Variants in MB21D2 observed in about 807,000 individuals in gnomAD.
MB21D2 encodes the protein nucleotidyltransferase MB21D2.
Under a neutral mutation model 33.3 loss-of-function variants are expected in MB21D2, and 9 were observed. The ratio of observed to expected loss-of-function variants is 0.27; its 90% CI spans 0.16 to 0.47. The LOEUF (loss-of-function observed/expected upper bound fraction) is 0.47. MB21D2 is among the 20% of genes least tolerant of loss of function. The pLI is 0.99. For missense variants in MB21D2, 540 were observed against 624.6 expected (o/e 0.86, Z 1.44); for synonymous variants, 241 against 236.3 (o/e 1.02, Z -0.18).
chr3:192,814,726 G>A (rs1267293642), intron 1 of MB21D2, among the ~76,000 whole-genome samples: 4 of 152,024 alleles, frequency 2.6e-5, no homozygotes, highest in Non-Finnish European at 5.9e-5. Flanking sequence ...TTACCCAGGC[G>A]TGGTGGTGGA....
chr3:192,859,370 T>G (rs1027110693), intron 1 of MB21D2, among the ~76,000 whole-genome samples: 1 of 151,472 alleles, frequency 6.6e-6, no homozygotes, highest in Non-Finnish European at 1.5e-5. Flanking sequence ...ACCCCCGACA[T>G]GGTTGCTGCC....
chr3:192,907,818 C>T (rs745312902), intron 1 of MB21D2, among the ~76,000 whole-genome samples: 3 of 152,146 alleles, frequency 2.0e-5, no homozygotes, highest in Admixed American at 1.3e-4. Flanking sequence ...GCACACTAAA[C>T]GCCATAATGA....
At chr3:192,905,508 G>A (rs1252361515) in intron 1 of MB21D2, among the ~76,000 whole-genome samples, 1 of 151,684 alleles carries the variant, frequency 6.6e-6, no homozygotes, top group East Asian at 1.9e-4. Flanking sequence ...GTGGTGTCAG[G>A]CGCCTGTAAT....
intron 1 of MB21D2, among the ~76,000 whole-genome samples, chr3:192,813,867 A>G (rs1711848306): frequency 6.6e-6 from 1 of 152,228 alleles, no homozygotes; most frequent in African/African-American, 2.4e-5. Context: ...TGATGGTTAT[A>G]GCCAGACTGC....
At chr3:192,909,063 G>A (rs1469041783) in intron 1 of MB21D2, among the ~76,000 whole-genome samples, 1 of 151,598 alleles carries the variant, frequency 6.6e-6, no homozygotes, top group Non-Finnish European at 1.5e-5. Flanking sequence ...AGACCATCCT[G>A]GCCAACACAG....
chr3:192,883,699 T>C (rs1264492847), intron 1 of MB21D2, among the ~76,000 whole-genome samples: 1 of 152,050 alleles, frequency 6.6e-6, no homozygotes, highest in East Asian at 1.9e-4. Context: ...AAGATCAGCA[T>C]TCCAGTCCCA....
chr3:192,898,347 C>G (rs1489858750), intron 1 of MB21D2, among the ~76,000 whole-genome samples: 1 of 151,714 alleles, frequency 6.6e-6, no homozygotes, highest in African/African-American at 2.4e-5. Flanking sequence ...GCATCACTAT[C>G]TCATACTTTT....
chr3:192,915,172 C>A (rs996423502), intron 1 of MB21D2, among the ~76,000 whole-genome samples: 1 of 152,078 alleles, frequency 6.6e-6, no homozygotes, highest in South Asian at 2.1e-4. Flanking sequence ...GAGGACTGGC[C>A]ACCCTCCACC....
At chr3:192,834,761 GCAGA>G (rs1438500853) in intron 1 of MB21D2, among the ~76,000 whole-genome samples, 2 of 151,272 alleles carry the variant, frequency 1.3e-5, no homozygotes, top group African/African-American at 4.9e-5. Context: ...CTTGAATTGC[GCAGA>G]CAATTACTTT....
At chr3:192,819,632 T>C (rs1469029485) in intron 1 of MB21D2, among the ~76,000 whole-genome samples, 4 of 152,170 alleles carry the variant, frequency 2.6e-5, no homozygotes, top group Middle Eastern at 6.3e-3. Flanking sequence ...AAGCTGCCTA[T>C]TTCCCAATTC....
In MB21D2 at chr3:192,917,851, C is replaced by G. The variant is rs759585365; in HGVS notation, c.-11G>C. 6.2e-7 allele frequency: 1 copy of G among 1,605,162 alleles called. No homozygotes were observed. The highest frequency in any genetic ancestry group is 1.1e-5 in the South Asian group (1 of 90,668). On this transcript the variant is annotated 5_prime_UTR_variant, in exon 1 of 2. Coordinates refer to ENST00000392452, the MANE Select transcript of MB21D2 (RefSeq NM_178496.4). ...AGCCGCCATCTTCATGCAAAACGCG[C>G]CGAGTAGCAGCTCCGCGGCAGCGCG...
At chr3:192,899,713 A>G (rs1000740706) in intron 1 of MB21D2, among the ~76,000 whole-genome samples, 2 of 142,740 alleles carry the variant, frequency 1.4e-5, no homozygotes, top group African/African-American at 5.2e-5. Flanking sequence ...TGGAGAGAAG[A>G]AAACATAGTC....
At chr3:192,849,681 A>G (rs1267031283) in intron 1 of MB21D2, among the ~76,000 whole-genome samples, 3 of 152,066 alleles carry the variant, frequency 2.0e-5, no homozygotes, top group Non-Finnish European at 4.4e-5. Flanking sequence ...CTCTACTTCA[A>G]CCTTTTTTCA....
At chr3:192,811,368 G>C (rs77467913) in intron 1 of MB21D2, among the ~76,000 whole-genome samples, 203 of 152,256 alleles carry the variant, frequency 1.3e-3, no homozygotes, top group African/African-American at 4.5e-3. Context: ...TGTAGTGGGT[G>C]GGGGGTGTAA....
intron 1 of MB21D2, among the ~76,000 whole-genome samples, chr3:192,804,766 C>T (rs570739707): frequency 8.5e-5 from 13 of 152,140 alleles, no homozygotes; most frequent in African/African-American, 2.9e-4. Flanking sequence ...GGGTAAGTCT[C>T]CTTGGTTGAC....
At chr3:192,830,660 A>C (rs1334697537) in intron 1 of MB21D2, among the ~76,000 whole-genome samples, 1 of 152,230 alleles carries the variant, frequency 6.6e-6, no homozygotes, top group African/African-American at 2.4e-5. Context: ...TTTTGGTTGC[A>C]GTGCAACCCT....
intron 1 of MB21D2, among the ~76,000 whole-genome samples, chr3:192,854,612 T>C (rs944777123): frequency 7.2e-5 from 11 of 152,236 alleles, no homozygotes; most frequent in African/African-American, 2.7e-4. Flanking sequence ...CAGTCTTGCA[T>C]TCAGAGAAGA....
intron 1 of MB21D2, among the ~76,000 whole-genome samples, chr3:192,834,769 T>C (rs1712396571): frequency 6.6e-6 from 1 of 151,838 alleles, no homozygotes. Context: ...GCGCAGACAA[T>C]TACTTTCTAC....
At chr3:192,879,524 A>G (rs1713514449) in intron 1 of MB21D2, among the ~76,000 whole-genome samples, 1 of 152,232 alleles carries the variant, frequency 6.6e-6, no homozygotes, top group African/African-American at 2.4e-5. Context: ...TTTCTAGGTG[A>G]TTAGTGAGAT....
Sources: gnomAD v4.1 joint callset for allele counts (sites outside exome capture counted in the v4.1 genomes callset) on GRCh38, gnomAD v4.1.1 for gene constraint, MANE v1.5 for transcripts, NCBI Gene and HGNC (gene_info 2026-07-23, HGNC 2026-07-21) for gene names.